Variants in TERB2 observed in about 807,000 individuals in gnomAD.
TERB2 encodes telomere repeats-binding bouquet formation protein 2.
In TERB2, 26 loss-of-function variants were observed where a neutral mutation model predicts 29.8. The observed-to-expected ratio is 0.87, with a 90% CI of 0.64 to 1.21. The LOEUF is 1.21. Among genes scored for constraint, TERB2 ranks in the 50% most tolerant of loss-of-function variants. The pLI is 0.00. For synonymous variants in TERB2, 80 were observed against 90.8 expected (o/e 0.88, Z 0.68); for missense variants, 240 against 268.6 (o/e 0.89, Z 0.74).
At chr15:44,976,325 C>A (rs1892046985) in intron 6 of TERB2, among the ~76,000 whole-genome samples, 1 of 152,128 alleles carries the variant, frequency 6.6e-6, no homozygotes, top group African/African-American at 2.4e-5. Flanking sequence ...TTCCAAGGCA[C>A]AACTGGGACT....
chr15:44,964,841 A>G (rs1301186092), intron 4 of TERB2, among the ~76,000 whole-genome samples: 1 of 152,080 alleles, frequency 6.6e-6, no homozygotes, highest in Non-Finnish European at 1.5e-5. Flanking sequence ...TTTGGAGTGG[A>G]TTTAAGTTTT....
intron 5 of TERB2, among the ~76,000 whole-genome samples, chr15:44,967,818 A>G (rs1169570178): frequency 7.7e-6 from 1 of 129,866 alleles, no homozygotes; most frequent in East Asian, 2.1e-4. Context: ...TAAATGATCA[A>G]ATAGTAGTTA....
At chr15:44,961,803 G>A (rs199664507) in intron 4 of TERB2, among the ~76,000 whole-genome samples, 3 of 151,992 alleles carry the variant, frequency 2.0e-5, no homozygotes, top group Non-Finnish European at 4.4e-5. Context: ...GGGTTCAAGC[G>A]ATTCTCCTGC....
At chr15:44,965,615 T>G (rs1281185422) in intron 4 of TERB2, among the ~76,000 whole-genome samples, 1 of 144,528 alleles carries the variant, frequency 6.9e-6, no homozygotes, top group Non-Finnish European at 1.5e-5. Context: ...TTAATAGATA[T>G]ATAAATATAT....
intron 5 of TERB2, among the ~76,000 whole-genome samples, chr15:44,969,119 G>T (rs1030463902): frequency 6.6e-6 from 1 of 151,950 alleles, no homozygotes; most frequent in Non-Finnish European, 1.5e-5. Flanking sequence ...TAATTAGACA[G>T]GGTCTCGCTC....
At chr15:44,960,508 C>A (rs2141238921) in intron 3 of TERB2, among the ~76,000 whole-genome samples, 1 of 152,002 alleles carries the variant, frequency 6.6e-6, no homozygotes, top group African/African-American at 2.4e-5. Flanking sequence ...TGCTGAGACG[C>A]CCTTCTCTAA....
At chr15:44,959,622 C>T (rs1192428057) in intron 3 of TERB2, among the ~76,000 whole-genome samples, 1 of 152,168 alleles carries the variant, frequency 6.6e-6, no homozygotes, top group Non-Finnish European at 1.5e-5. Flanking sequence ...CCCGCCTCAG[C>T]CCCCCAAAGT....
rs1042307789 is a variant in TERB2 at position 44,965,520 on chromosome 15, T to C, written c.349-638T>C. 3.5e-5 allele frequency among the ~76,000 whole-genome samples: 5 copies of C among 144,376 alleles called. No homozygotes were observed. The East Asian group carries it at 7.8e-4, about 23-fold the overall frequency. The allele number at this position is 144,376 out of a possible 152,430, so 94.7% of individuals were successfully genotyped here. A position where few individuals can be genotyped will look rare whatever the true frequency, so the allele number is the denominator to read the frequency against. On this transcript the variant is annotated intron_variant, in intron 4 of 6. Coordinates refer to ENST00000340827, the MANE Select transcript of TERB2 (RefSeq NM_152448.3). ...TATATATTATATTTATATAGATATA[T>C]ATAATTATATATTATACATTTATAT...
At chr15:44,960,162 C>T (rs1891778715) in intron 3 of TERB2, among the ~76,000 whole-genome samples, 1 of 152,156 alleles carries the variant, frequency 6.6e-6, no homozygotes, top group Admixed American at 6.5e-5. Context: ...CCTATTCTGT[C>T]TTTGAGTTTA....
chr15:44,963,366 C>T (rs1891836299), intron 4 of TERB2, among the ~76,000 whole-genome samples: 1 of 151,886 alleles, frequency 6.6e-6, no homozygotes, highest in Non-Finnish European at 1.5e-5. Flanking sequence ...ACATTTAACC[C>T]GAATTTAATT....
At chr15:44,971,661 AG>A (rs1477539456) in intron 5 of TERB2, among the ~76,000 whole-genome samples, 1 of 152,080 alleles carries the variant, frequency 6.6e-6, no homozygotes, top group African/African-American at 2.4e-5. Flanking sequence ...AGGCTGAGGC[AG>A]GAAAATGGCC....
At chr15:44,968,732 G>A (rs1314210472) in intron 5 of TERB2, among the ~76,000 whole-genome samples, 2 of 151,378 alleles carry the variant, frequency 1.3e-5, no homozygotes, top group African/African-American at 2.4e-5. Context: ...CCAGAATGCT[G>A]CTAGGATTAC....
chr15:44,973,738 T>G, intron 5 of TERB2, 129 bp from the exon 6 acceptor site: 1 of 623,634 alleles, frequency 1.6e-6, no homozygotes, highest in Non-Finnish European at 2.1e-6. Context: ...ATATGTGGTA[T>G]AGTATACTAT....
chr15:44,976,538 T>C (rs1330337384), intron 6 of TERB2, among the ~76,000 whole-genome samples: 3 of 152,170 alleles, frequency 2.0e-5, no homozygotes, highest in African/African-American at 7.2e-5. Flanking sequence ...ATAGTCTTTT[T>C]TACATCCGAC....
At chr15:44,958,208 G>A (rs1326369651) in intron 2 of TERB2, among the ~76,000 whole-genome samples, 165 bp from the exon 3 acceptor site, 2 of 152,180 alleles carry the variant, frequency 1.3e-5, no homozygotes, top group African/African-American at 4.8e-5. Context: ...CCAGAAAAGA[G>A]TATCTTATGC....
intron 4 of TERB2, among the ~76,000 whole-genome samples, chr15:44,965,493 G>GAT (rs1891873091): frequency 7.2e-6 from 1 of 138,452 alleles, no homozygotes; most frequent in South Asian, 2.2e-4. Context: ...TATTTATATA[G>GAT]ATATATATTA....
At chr15:44,965,880 G>C (rs1169986265) in intron 4 of TERB2, among the ~76,000 whole-genome samples, 1 of 151,716 alleles carries the variant, frequency 6.6e-6, no homozygotes, top group African/African-American at 2.4e-5. Flanking sequence ...AATAAAATCA[G>C]TTAAAGTTTT....
rs11638723 is a variant in TERB2 at position 44,956,923 on chromosome 15, C to G, written c.92C>G (p.Pro31Arg). 26,654 of 1,613,926 alleles carry G rather than the reference C, an allele frequency of 0.017. 284 individuals carry two copies. The highest frequency in any genetic ancestry group is 0.036 in the Admixed American group (2,160 of 60,004). The stretch of plus-strand genomic sequence containing the variant: ...GCTGAAGGGGGAACGATCAGTGACC[C>G]GCGAGCCGCCGACTTCTTGTTCAGC... ...WVAEGGTISD[P>R]RAADFLFSCD... The change falls in exon 2 of 7, where the codon CCG becomes CGG. Residue 31 changes from proline (P) to arginine (R), a missense_variant. Coordinates refer to ENST00000340827, the MANE Select transcript of TERB2 (RefSeq NM_152448.3).
intron 6 of TERB2, among the ~76,000 whole-genome samples, chr15:44,977,946 T>A (rs1019441031): frequency 6.6e-6 from 1 of 152,366 alleles, no homozygotes; most frequent in East Asian, 1.9e-4. Flanking sequence ...ATGACTCATA[T>A]CTGTTTTGGA....
Sources: allele counts gnomAD v4.1 joint callset (sites outside exome capture counted in the v4.1 genomes callset), GRCh38; gene constraint gnomAD v4.1.1; transcripts MANE v1.5; gene names NCBI Gene and HGNC (gene_info 2026-07-23, HGNC 2026-07-21).